UBE2E2: variants seen among roughly 807,000 people sequenced by gnomAD.
The protein encoded by UBE2E2 is ubiquitin conjugating enzyme E2 E2.
UBE2E2 carries 6 observed loss-of-function variants against 24.7 expected under a neutral mutation model. The observed-to-expected ratio is 0.24, with a 90% CI of 0.13 to 0.48. The LOEUF (loss-of-function observed/expected upper bound fraction) is 0.48. UBE2E2 is among the 20% of genes least tolerant of loss of function. The pLI is 0.99. For synonymous variants in UBE2E2, 104 were observed against 83.6 expected (o/e 1.24, Z -1.33); for missense variants, 169 against 245.0 (o/e 0.69, Z 2.07).
intron 5 of UBE2E2, among the ~76,000 whole-genome samples, chr3:23,535,342 C>T (rs1468049810): frequency 6.6e-6 from 1 of 152,178 alleles, no homozygotes; most frequent in Non-Finnish European, 1.5e-5. Flanking sequence ...GACCGATAAA[C>T]ACCTACTCAG....
chr3:23,298,970 G>A (rs1164800233), intron 3 of UBE2E2, among the ~76,000 whole-genome samples: 3 of 152,186 alleles, frequency 2.0e-5, no homozygotes, highest in African/African-American at 7.2e-5. Flanking sequence ...CTCAGAGCCT[G>A]TTATTGGTCT....
intron 3 of UBE2E2, among the ~76,000 whole-genome samples, chr3:23,339,374 C>G (rs1575570957): frequency 6.6e-6 from 1 of 152,024 alleles, no homozygotes; most frequent in African/African-American, 2.4e-5. Flanking sequence ...GGACAATTAA[C>G]AAAATTTGAA....
chr3:23,317,336 G>A (rs1228159868), intron 3 of UBE2E2, among the ~76,000 whole-genome samples: 2 of 152,132 alleles, frequency 1.3e-5, no homozygotes, highest in African/African-American at 4.8e-5. Context: ...CCTGAGTTCT[G>A]CCCAGCATTG....
rs141924271 is a variant in UBE2E2, at chr3:23,478,373, G to A, written c.228-21235G>A. On this transcript the variant is annotated intron_variant, in intron 3 of 5. Transcript: ENST00000396703. Reference sequence around the variant, plus strand: ...CAAAGTGGCTAACTCTGAGAAAATGGCAACAGACTGATCACCAAAGGAAAT... The same window carrying A: ...CAAAGTGGCTAACTCTGAGAAAATGACAACAGACTGATCACCAAAGGAAAT... Among the ~76,000 whole-genome samples, 5 of 152,258 alleles carry A rather than the reference G, an allele frequency of 3.3e-5. No homozygotes were observed. The East Asian group carries it at 7.7e-4, about 23-fold the overall frequency.
intron 3 of UBE2E2, among the ~76,000 whole-genome samples, chr3:23,321,011 A>G (rs751109290): frequency 1.2e-4 from 19 of 152,250 alleles, no homozygotes; most frequent in Non-Finnish European, 2.1e-4. Context: ...CCTTTAGGGA[A>G]GAATCTTACC....
At chr3:23,219,125 A>C (rs1416793994) in intron 3 of UBE2E2, among the ~76,000 whole-genome samples, 1 of 152,164 alleles carries the variant, frequency 6.6e-6, no homozygotes, top group Non-Finnish European at 1.5e-5. Context: ...ATAGCTGATA[A>C]GTTTGCTTTA....
chr3:23,430,151 T>C (rs1179828987), intron 3 of UBE2E2, among the ~76,000 whole-genome samples: 1 of 151,364 alleles, frequency 6.6e-6, no homozygotes, highest in Non-Finnish European at 1.5e-5. Flanking sequence ...GCAGTCTGTC[T>C]AGTGCTTAAG....
At chr3:23,521,409 A>G (rs1472880428) in intron 4 of UBE2E2, among the ~76,000 whole-genome samples, 1 of 152,226 alleles carries the variant, frequency 6.6e-6, no homozygotes, top group Non-Finnish European at 1.5e-5. Flanking sequence ...AATTGTTGTT[A>G]TGTATGAGAC....
chr3:23,446,419 T>G (rs1020623471), intron 3 of UBE2E2, among the ~76,000 whole-genome samples: 1 of 152,180 alleles, frequency 6.6e-6, no homozygotes, highest in Non-Finnish European at 1.5e-5. Flanking sequence ...CCAGATGCAG[T>G]TAGTATGCTA....
chr3:23,380,686 A>G (rs1362543117), intron 3 of UBE2E2, among the ~76,000 whole-genome samples: 1 of 152,086 alleles, frequency 6.6e-6, no homozygotes, highest in African/African-American at 2.4e-5. Context: ...GCTCTGTTGG[A>G]ATGCTTATGC....
intron 3 of UBE2E2, among the ~76,000 whole-genome samples, chr3:23,237,392 T>A (rs9836787): frequency 0.61 from 92,817 of 152,024 alleles, 28,972 homozygotes; most frequent in South Asian, 0.68. Flanking sequence ...TTCTCTAAAA[T>A]GGTAAGCATA....
chr3:23,230,613 C>A (rs554154495), intron 3 of UBE2E2, among the ~76,000 whole-genome samples: 2 of 151,796 alleles, frequency 1.3e-5, no homozygotes, highest in Non-Finnish European at 2.9e-5. Context: ...GGTGAAACCC[C>A]GTCTCTACTA....
At chr3:23,552,172 C>A (rs545556841) in intron 5 of UBE2E2, among the ~76,000 whole-genome samples, 3 of 152,128 alleles carry the variant, frequency 2.0e-5, no homozygotes, top group Non-Finnish European at 4.4e-5. Flanking sequence ...GCCACCCGGG[C>A]AGACTAATAC....
chr3:23,456,680 C>T (rs1698686813), intron 3 of UBE2E2, among the ~76,000 whole-genome samples: 1 of 152,194 alleles, frequency 6.6e-6, no homozygotes, highest in African/African-American at 2.4e-5. Flanking sequence ...ATTCAGTAAA[C>T]TGTGCAGTAA....
intron 3 of UBE2E2, among the ~76,000 whole-genome samples, chr3:23,471,942 A>G (rs1490296490): frequency 3.0e-5 from 1 of 33,832 alleles, no homozygotes; most frequent in Admixed American, 1.8e-4. Flanking sequence ...AAACATCTTT[A>G]AAAAAAAAAA....
chr3:23,354,929 C>A (rs962232886), intron 3 of UBE2E2, among the ~76,000 whole-genome samples: 4 of 152,006 alleles, frequency 2.6e-5, no homozygotes, highest in African/African-American at 7.3e-5. Context: ...CACATGCACA[C>A]GTATGTTTAT....
chr3:23,500,858 T>C (rs1699705949), intron 4 of UBE2E2, among the ~76,000 whole-genome samples: 3 of 152,184 alleles, frequency 2.0e-5, no homozygotes, highest in South Asian at 2.1e-4. Flanking sequence ...TCAAGCAAAT[T>C]GTGGTGTAAG....
At chr3:23,326,527 C>T (rs1694895311) in intron 3 of UBE2E2, among the ~76,000 whole-genome samples, 1 of 152,142 alleles carries the variant, frequency 6.6e-6, no homozygotes, top group Non-Finnish European at 1.5e-5. Context: ...TTAAAAGAAA[C>T]ATTTAAGATG....
intron 3 of UBE2E2, among the ~76,000 whole-genome samples, chr3:23,341,023 CA>C (rs1266251129): frequency 6.6e-6 from 1 of 152,130 alleles, no homozygotes; most frequent in African/African-American, 2.4e-5. Context: ...ATCTTTGCCA[CA>C]AAAATGATGA....
Sources: allele counts gnomAD v4.1 joint callset (sites outside exome capture counted in the v4.1 genomes callset), GRCh38; gene constraint gnomAD v4.1.1; transcripts MANE v1.5; gene names NCBI Gene and HGNC (gene_info 2026-07-23, HGNC 2026-07-21).